The following KALRN variants were observed in gnomAD, a reference collection of about 807,000 sequenced individuals.
KALRN encodes kalirin RhoGEF kinase.
In KALRN, 70 loss-of-function variants were observed where a neutral mutation model predicts 353.7. The ratio of observed to expected loss-of-function variants is 0.20; its 90% CI spans 0.16 to 0.24. The LOEUF is 0.24. Ranked by LOEUF, KALRN falls within the 10% of genes least tolerant of loss-of-function variation. KALRN has a pLI of 1.00. For synonymous variants in KALRN, 1,391 were observed against 1,434.8 expected, an observed-to-expected ratio of 0.97 and a Z score of 0.69; for missense variants, 2,791 against 3,756.7, an observed-to-expected ratio of 0.74 and a Z score of 6.72.
intron 1 of KALRN, among the ~76,000 whole-genome samples, chr3:124,092,524 C>G (rs1402360316): frequency 1.3e-5 from 2 of 152,230 alleles, no homozygotes; most frequent in Admixed American, 6.5e-5. Context: ...TCCACTCAAC[C>G]TGTGCCCATG....
intron 10 of KALRN, among the ~76,000 whole-genome samples, chr3:124,366,880 G>A (rs1411871366): frequency 7.4e-6 from 1 of 135,022 alleles, no homozygotes; most frequent in Non-Finnish European, 1.6e-5. Flanking sequence ...GCCGGGCGGG[G>A]GGCTGACCCC....
At chr3:124,567,475 A>T (rs1306047029) in intron 34 of KALRN, among the ~76,000 whole-genome samples, 1 of 152,040 alleles carries the variant, frequency 6.6e-6, no homozygotes, top group Non-Finnish European at 1.5e-5. Context: ...GTTGGTGAAA[A>T]AGAGTGGGGC....
intron 1 of KALRN, among the ~76,000 whole-genome samples, chr3:124,166,956 A>T (rs1190930685): frequency 6.6e-6 from 1 of 152,074 alleles, no homozygotes; most frequent in African/African-American, 2.4e-5. Context: ...GAGACAGGAG[A>T]ATCATTTGAA....
At chr3:124,454,786 G>T (rs1353764307) in intron 21 of KALRN, among the ~76,000 whole-genome samples, 1 of 151,940 alleles carries the variant, frequency 6.6e-6, no homozygotes, top group Non-Finnish European at 1.5e-5. Flanking sequence ...TATTTACATT[G>T]TATTAGGTAT....
At chr3:124,284,508 A>G (rs2075646642) in intron 5 of KALRN, among the ~76,000 whole-genome samples, 1 of 152,110 alleles carries the variant, frequency 6.6e-6, no homozygotes, top group Non-Finnish European at 1.5e-5. Context: ...CCCTAACCCT[A>G]TCTCTGCCAA....
chr3:124,044,859 CTCCT>C lies in KALRN; in HGVS notation c.73+11097_73+11100del, dbSNP rs1186718315. On this transcript the variant is annotated intron_variant, in intron 1 of 59. Transcript: ENST00000682506. ...CCTCCCTCCCTCCCTCCCTCCCTCC[CTCCT>C]TCCTTCCTTCCTTCCTTCCTTCCTT... 8.1e-3 allele frequency among the ~76,000 whole-genome samples: 350 copies of C among 43,186 alleles called. 6 individuals carry two copies. Among genetic ancestry groups the C allele is most frequent in the African/African-American group, 0.025 (335 of 13,254 alleles). The allele number at this position is 43,186 out of a possible 152,430, so 28.3% of individuals were successfully genotyped here.
chr3:124,054,993 T>C (rs1479774582), intron 1 of KALRN, among the ~76,000 whole-genome samples: 2 of 152,110 alleles, frequency 1.3e-5, no homozygotes, highest in Non-Finnish European at 2.9e-5. Context: ...CCATTAACCA[T>C]CAGGACCCTT....
intron 1 of KALRN, among the ~76,000 whole-genome samples, chr3:124,076,641 T>C (rs1577826164): frequency 6.6e-6 from 1 of 152,202 alleles, no homozygotes; most frequent in East Asian, 1.9e-4. Context: ...TAGATCATTT[T>C]CTCTAGAGGT....
chr3:124,388,791 T>C (rs1409552749), intron 11 of KALRN, among the ~76,000 whole-genome samples: 6 of 152,166 alleles, frequency 3.9e-5, no homozygotes, highest in Admixed American at 3.9e-4. Flanking sequence ...CATCCTTGAA[T>C]GGTCTCATGG....
chr3:124,400,169 C>T (rs116325999), intron 13 of KALRN, among the ~76,000 whole-genome samples: 144 of 152,130 alleles, frequency 9.5e-4, no homozygotes, highest in Admixed American at 2.6e-3. Flanking sequence ...CTCCAATATC[C>T]CATCCTAATC....
chr3:124,537,173 A>G (rs994576041), intron 33 of KALRN, among the ~76,000 whole-genome samples: 1 of 152,050 alleles, frequency 6.6e-6, no homozygotes, highest in Non-Finnish European at 1.5e-5. Context: ...TCCTGAGTAT[A>G]TGGGACTACA....
chr3:124,325,431 G>A (rs1415025887), intron 6 of KALRN, among the ~76,000 whole-genome samples: 1 of 152,200 alleles, frequency 6.6e-6, no homozygotes, highest in Non-Finnish European at 1.5e-5. Flanking sequence ...CAGGGCTGAA[G>A]GAGGTAGGAG....
chr3:124,462,649 G>T lies in KALRN; in HGVS notation c.4031+16G>T, dbSNP rs779754967. On this transcript the variant is annotated intron_variant, in intron 25 of 59. Transcript: ENST00000682506. The stretch of plus-strand genomic sequence containing the variant: ...TCCATAACAAGTAGGTTTGTGGAGG[G>T]TCTCAGAGGTGCACACTTAGGCCGT... The T allele has an allele frequency of 1.4e-6, 2 of 1,441,446 alleles. No homozygotes were observed. Among genetic ancestry groups the T allele is most frequent in the South Asian group, 2.3e-5 (2 of 87,256 alleles). 89.3% of individuals were successfully genotyped at this position (1,441,446 alleles called of 1,614,324 possible). A position where few individuals can be genotyped will look rare whatever the true frequency, so the allele number is the denominator to read the frequency against.
chr3:124,472,495 G>T (rs1041475811), intron 25 of KALRN, among the ~76,000 whole-genome samples: 65 of 152,052 alleles, frequency 4.3e-4, no homozygotes, highest in African/African-American at 1.5e-3. Context: ...TTTGAGACCA[G>T]CCTGGGCAAC....
chr3:124,719,077 C>G lies in KALRN; in HGVS notation c.8568C>G (p.Pro2856=). The G allele has an allele frequency of 6.2e-7, 1 of 1,614,212 alleles. No individual in the cohort carries two copies. The highest frequency in any genetic ancestry group is 8.5e-7 in the Non-Finnish European group (1 of 1,180,032). Residue 2856 remains proline (P), a synonymous_variant, in exon 60 of 60, where the codon CCC becomes CCG. Coordinates refer to ENST00000682506, the MANE Select transcript of KALRN (RefSeq NM_001388419.1). The surrounding 1 kb of genome is among the most constrained non-coding windows in gnomAD (Gnocchi z 5.3). ...CCCCAGAAGTCATTCAAGGCATCCC[C>G]GTCTCCCTGGGGACAGACATCTGGA... ...FAAPEVIQGI[P]VSLGTDIWSI...
At chr3:124,153,018 A>G (rs763061935) in intron 1 of KALRN, 3 of 237,866 alleles carry the variant, frequency 1.3e-5, no homozygotes, top group Non-Finnish European at 2.5e-5. Flanking sequence ...AAATTCCTTC[A>G]CTTTTTCTTA....
chr3:124,219,842 T>C, intron 1 of KALRN, among the ~76,000 whole-genome samples: 1 of 151,928 alleles, frequency 6.6e-6, no homozygotes, highest in East Asian at 1.9e-4. Flanking sequence ...GTGCTGTGTG[T>C]TTGGTTGCTG....
intron 5 of KALRN, among the ~76,000 whole-genome samples, chr3:124,298,422 T>C (rs1198866562): frequency 6.6e-6 from 1 of 152,192 alleles, no homozygotes; most frequent in Non-Finnish European, 1.5e-5. Context: ...TTCTCTCTTC[T>C]ACTAGTGCGG....
intron 1 of KALRN, among the ~76,000 whole-genome samples, chr3:124,218,330 G>T (rs1465215239): frequency 6.6e-6 from 1 of 152,160 alleles, no homozygotes; most frequent in Admixed American, 6.5e-5. Flanking sequence ...ACTGAGATGA[G>T]GGTCCCAAGG....
Sources: allele counts gnomAD v4.1 joint callset (sites outside exome capture counted in the v4.1 genomes callset), GRCh38; gene constraint gnomAD v4.1.1; non-coding constraint Gnocchi (gnomAD v3.1); transcripts MANE v1.5; gene names NCBI Gene and HGNC (gene_info 2026-07-23, HGNC 2026-07-21).